CRACR2A: variants seen among roughly 807,000 people sequenced by gnomAD.
The protein encoded by CRACR2A is EF-hand calcium-binding domain-containing protein 4B.
Under a neutral mutation model 90.5 loss-of-function variants are expected in CRACR2A, and 79 were observed. The observed-to-expected ratio is 0.87, with a 90% confidence interval of 0.73 to 1.05. The LOEUF is 1.05. Ranked by LOEUF, CRACR2A falls within the 50% of genes least tolerant of loss-of-function variation. The pLI is 0.00. For synonymous variants in CRACR2A, 338 were observed against 356.7 expected (o/e 0.95, Z 0.59); for missense variants, 823 against 897.2 (o/e 0.92, Z 1.06).
At chr12:3,632,867 T>TTGTTGAGTGATTCACCCTTC (rs1944400010) in intron 15 of CRACR2A, among the ~76,000 whole-genome samples, 1 of 152,236 alleles carries the variant, frequency 6.6e-6, no homozygotes, top group Non-Finnish European at 1.5e-5. Flanking sequence ...TATTTGTTTT[T>TTGTTGAGTGATTCACCCTTC]TGTTGAGTGA....
intron 3 of CRACR2A, among the ~76,000 whole-genome samples, chr12:3,701,001 A>C (rs1159886150): frequency 6.6e-6 from 1 of 152,226 alleles, no homozygotes; most frequent in Non-Finnish European, 1.5e-5. Context: ...AGTTTGTACA[A>C]AGTATGTACT....
In CRACR2A at chr12:3,619,314, T is replaced by A. The variant is rs1383721131; in HGVS notation, c.1991A>T (p.Lys664Met). 1 of 1,551,682 alleles carries A rather than the reference T, an allele frequency of 6.4e-7. No homozygotes were observed. The highest frequency in any genetic ancestry group is 2.4e-5 in the East Asian group (1 of 40,884). ...LLLGNKLDNE[K>M]EREVPRGLGE... ...GAGGCCCCGGGGGACTTCCCGCTCC[T>A]TCTCGTTGTCAAGCTTATTACCCAG... is the stretch of plus-strand genomic sequence containing the variant. Residue 664 changes from lysine (K) to methionine (M), a missense_variant, in exon 18 of 20, where the codon AAG (lysine) becomes ATG (methionine). Physicochemically the swap from Lys to Met is moderately conservative, Grantham distance 95. Transcript: ENST00000440314.
chr12:3,745,780 AAAAATAAAATAAAATAAAAT>A (rs941357128), intron 1 of CRACR2A, among the ~76,000 whole-genome samples: 1 of 106,730 alleles, frequency 9.4e-6, no homozygotes, highest in African/African-American at 3.8e-5. Context: ...CTTCGTCTCA[AAAAATAAAATAAAATAAAAT>A]AAAATAAAAT....
intron 18 of CRACR2A, among the ~76,000 whole-genome samples, chr12:3,618,178 A>G (rs914615207): frequency 9.9e-5 from 15 of 151,942 alleles, no homozygotes; most frequent in East Asian, 1.9e-4. Context: ...AACAAAAAAA[A>G]AAAAGAAAAG....
intron 3 of CRACR2A, among the ~76,000 whole-genome samples, chr12:3,699,759 A>AT (rs1256182897): frequency 3.3e-5 from 5 of 152,100 alleles, no homozygotes; most frequent in African/African-American, 9.7e-5. Context: ...GTCTTATTCG[A>AT]TTTTACCGCC....
At position 3,745,825 on chromosome 12, in the gene CRACR2A, T is replaced by TATAAAATAAAG. The variant is rs1555123103; in HGVS notation, c.-387+7189_-387+7190insCTTTATTTTAT. 3.0e-5 allele frequency among the ~76,000 whole-genome samples: 3 copies of TATAAAATAAAG among 100,486 alleles called. No individual in the cohort carries two copies. In the Admixed American group the frequency reaches 3.3e-4, roughly 11 times the overall value. 65.9% of individuals were successfully genotyped at this position (100,486 alleles called of 152,430 possible). On this transcript the variant is annotated intron_variant, in intron 1 of 19. Coordinates refer to ENST00000440314, the MANE Select transcript of CRACR2A (RefSeq NM_001144958.2). The stretch of plus-strand genomic sequence containing the variant: ...TAAAATAAAATAAAATAAAATAAAA[T>TATAAAATAAAG]AAAGAAAGAAAAGAGAAGAGAAAAG...
rs1408970383 is a variant in CRACR2A at position 3,639,476 on chromosome 12, A to ACACACACACACACACACACACACACG, written c.1272-1023_1272-1022insCGTGTGTGTGTGTGTGTGTGTGTGTG. The stretch of plus-strand genomic sequence containing the variant: ...AATTGAAACACACACACACACACAC[A>ACACACACACACACACACACACACACG]CGCATGCAAGCATGCACACAGACTA... On this transcript the variant is annotated intron_variant, in intron 13 of 19. Coordinates refer to ENST00000440314, the MANE Select transcript of CRACR2A (RefSeq NM_001144958.2). 5.0e-3 allele frequency among the ~76,000 whole-genome samples: 757 copies of ACACACACACACACACACACACACACG among 151,912 alleles called. 6 individuals carry two copies. The highest frequency in any genetic ancestry group is 7.5e-3 in the Non-Finnish European group (507 of 67,938).
chr12:3,619,120 C>T (rs1236326743), intron 18 of CRACR2A, 151 bp downstream of exon 18: 4 of 626,264 alleles, frequency 6.4e-6, no homozygotes, highest in Non-Finnish European at 1.1e-5. Flanking sequence ...AGGAGCTGAG[C>T]CATTCCCAGG....
At chr12:3,672,840 G>A (rs1352730612) in intron 7 of CRACR2A, 5 of 982,396 alleles carry the variant, frequency 5.1e-6, no homozygotes, top group Non-Finnish European at 6.0e-6. Context: ...GAGAGGTCTT[G>A]GAGGCAAATA....
chr12:3,645,162 T>C (rs528198063), intron 11 of CRACR2A, among the ~76,000 whole-genome samples: 2 of 152,262 alleles, frequency 1.3e-5, no homozygotes, highest in Middle Eastern at 3.4e-3. Flanking sequence ...TAACTGTTAT[T>C]GAGAAAATAA....
chr12:3,631,865 A>C lies in CRACR2A; in HGVS notation c.1735+1739T>G, dbSNP rs559662575. ...CCCCAGGCAGGACTCTGGACCACTC[A>C]AAGTTGGTCTTGTAGAACCAGCTTG... On this transcript the variant is annotated intron_variant, in intron 15 of 19. Transcript: ENST00000440314. Among the ~76,000 whole-genome samples the C allele has an allele frequency of 4.0e-4, 61 of 152,282 alleles. No individual in the cohort carries two copies. In the South Asian group the frequency reaches 9.1e-3, roughly 23 times the overall value.
intron 4 of CRACR2A, among the ~76,000 whole-genome samples, chr12:3,687,866 T>G (rs1024149240): frequency 1.3e-5 from 2 of 152,216 alleles, no homozygotes; most frequent in African/African-American, 4.8e-5. Context: ...ATTTTTTGGC[T>G]TTTTAGTAAT....
rs1316345827 is a variant in CRACR2A at position 3,654,311 on chromosome 12, G to T, written c.947C>A (p.Ala316Asp). The change falls in exon 10 of 20, where the codon GCC becomes GAC. Residue 316 changes from alanine to aspartate, a missense_variant. Transcript: ENST00000440314. ...TKLKLTNQELARELERTSWEL... is the reference protein window; with the variant it reads ...TKLKLTNQELDRELERTSWEL... ...CCAGGAAGTCCGCTCCAGCTCCCGG[G>T]CCAGCTCCTGGTTAGTGAGTTTCAG... 4 of 1,613,886 alleles carry T rather than the reference G, an allele frequency of 2.5e-6. No individual in the cohort carries two copies. The highest frequency in any genetic ancestry group is 3.4e-6 in the Non-Finnish European group (4 of 1,179,982).
chr12:3,702,270 T>G (rs1239765776), intron 3 of CRACR2A, among the ~76,000 whole-genome samples: 1 of 152,234 alleles, frequency 6.6e-6, no homozygotes, highest in East Asian at 1.9e-4. Flanking sequence ...TCTTACCACT[T>G]CTATTCAACA....
At chr12:3,638,859 C>G (rs980473985) in intron 13 of CRACR2A, among the ~76,000 whole-genome samples, 2 of 152,184 alleles carry the variant, frequency 1.3e-5, no homozygotes, top group Non-Finnish European at 2.9e-5. Context: ...AGAAACGTGT[C>G]TCAGACTCAG....
At chr12:3,722,157 T>C (rs909229316) in intron 2 of CRACR2A, among the ~76,000 whole-genome samples, 8 of 152,162 alleles carry the variant, frequency 5.3e-5, no homozygotes, top group Non-Finnish European at 1.2e-4. Flanking sequence ...CCCAGCACAA[T>C]GACTAGCACA....
chr12:3,627,082 T>C (rs1944277534), intron 17 of CRACR2A, among the ~76,000 whole-genome samples: 1 of 152,144 alleles, frequency 6.6e-6, no homozygotes, highest in African/African-American at 2.4e-5. Context: ...ACTCAAACAC[T>C]GATTTCTCCA....
In CRACR2A at chr12:3,692,270, T is replaced by C. The variant is rs545731739; in HGVS notation, c.228+4502A>G. Among the ~76,000 whole-genome samples, 99 of 152,316 alleles carry C rather than the reference T, an allele frequency of 6.5e-4. 1 individual carries two copies. The highest frequency in any genetic ancestry group is 1.3e-3 in the Non-Finnish European group (86 of 68,030). On this transcript the variant is annotated intron_variant, in intron 4 of 19. Transcript: ENST00000440314. ...ATCCTTTCTCATCTTTGTGGGCTGA[T>C]GTTTCTTTAGTCTTTGAAGTTGCTG...
chr12:3,744,103 T>C (rs1946572283), intron 1 of CRACR2A, among the ~76,000 whole-genome samples: 1 of 152,184 alleles, frequency 6.6e-6, no homozygotes, highest in Admixed American at 6.5e-5. Flanking sequence ...GAACAGGAGC[T>C]GAGATGGTGA....
Sources: gnomAD v4.1 joint callset for allele counts (sites outside exome capture counted in the v4.1 genomes callset) on GRCh38, gnomAD v4.1.1 for gene constraint, MANE v1.5 for transcripts, NCBI Gene and HGNC (gene_info 2026-07-23, HGNC 2026-07-21) for gene names.